SEC61A2: variants seen among roughly 807,000 people sequenced by gnomAD.
SEC61A2 encodes protein transport protein Sec61 subunit alpha isoform 2.
SEC61A2 carries 28 observed loss-of-function variants against 59.9 expected under a neutral mutation model. That is an observed-to-expected ratio of 0.47 (90% confidence interval 0.35 to 0.64). The LOEUF (loss-of-function observed/expected upper bound fraction) is 0.64, where lower values mean the gene tolerates loss of function less well. Among genes scored for constraint, SEC61A2 ranks in the 30% least tolerant of loss-of-function variants. The pLI, the probability that SEC61A2 is intolerant of heterozygous loss-of-function variation, is 0.01. For synonymous variants in SEC61A2, 202 were observed against 214.4 expected, an observed-to-expected ratio of 0.94 and a Z score of 0.50; for missense variants, 340 against 585.9, an observed-to-expected ratio of 0.58 and a Z score of 4.33.
chr10:12,169,815 A>G, downstream of SEC61A2: 1 of 301,252 alleles, frequency 3.3e-6, no homozygotes, highest in Non-Finnish European at 6.1e-6. The surrounding 1 kb of genome is among the most constrained non-coding windows in gnomAD (Gnocchi z 4.8). Context: ...GCTGAAACTC[A>G]GGGAAAAGCT....
Position 12,137,962 on chromosome 10 carries a change from C to T in SEC61A2, c.141+1792C>T, listed in dbSNP as rs143884842. 7.4e-3 allele frequency among the ~76,000 whole-genome samples: 1,125 copies of T among 152,188 alleles called. 12 individuals carry two copies. The highest frequency in any genetic ancestry group is 0.026 in the African/African-American group (1,085 of 41,532). ...TGGAGGTTGCAGTGAGCTGAGATCA[C>T]GCCATTGCACTCAAACCTGGGCAAC... is the stretch of plus-strand genomic sequence containing the variant. On this transcript the variant is annotated intron_variant, in intron 3 of 11. Coordinates refer to ENST00000298428, the MANE Select transcript of SEC61A2 (RefSeq NM_018144.4).
rs561830355 is a variant in SEC61A2, at chr10:12,139,300, T to C, written c.141+3130T>C. On this transcript the variant is annotated intron_variant, in intron 3 of 11. Coordinates refer to ENST00000298428, the MANE Select transcript of SEC61A2 (RefSeq NM_018144.4). ...TTTTGTATTTCCACCAGCCGTGTTCTGGAGTTCCAGTTGATCTGCATCCTG... is the reference window on the plus strand; with the variant it reads ...TTTTGTATTTCCACCAGCCGTGTTCCGGAGTTCCAGTTGATCTGCATCCTG... Among the ~76,000 whole-genome samples the C allele has an allele frequency of 3.3e-5, 5 of 151,974 alleles. No individual in the cohort carries two copies. The South Asian group carries it at 8.3e-4, about 25-fold the overall frequency.
chr10:12,167,619 C>T (rs756710076), downstream of SEC61A2: 32 of 1,334,888 alleles, frequency 2.4e-5, no homozygotes, highest in Non-Finnish European at 3.4e-5. Context: ...GGCAAATCTA[C>T]ATTAAACTAA....
downstream of SEC61A2, chr10:12,169,435 A>G: frequency 1.3e-6 from 1 of 762,680 alleles, no homozygotes; most frequent in Non-Finnish European, 2.1e-6. The surrounding 1 kb of genome is among the most constrained non-coding windows in gnomAD (Gnocchi z 4.8). Flanking sequence ...AAAAGCCGAG[A>G]GAGGCTACAG....
intron 4 of SEC61A2, among the ~76,000 whole-genome samples, chr10:12,148,552 T>C (rs925781032): frequency 1.4e-5 from 2 of 145,484 alleles, no homozygotes; most frequent in Admixed American, 6.9e-5. Flanking sequence ...GCTTTTTTTT[T>C]TTCTTTGAGA....
chr10:12,133,083 T>C (rs575344642), intron 1 of SEC61A2, among the ~76,000 whole-genome samples, 158 bp from the exon 2 acceptor site: 2 of 152,366 alleles, frequency 1.3e-5, no homozygotes, highest in East Asian at 3.9e-4. Context: ...TTCCTTTACA[T>C]ATCATTTGAA....
rs749842893 is a variant in SEC61A2, at chr10:12,149,924, A to C, written c.425A>C (p.Glu142Ala). 6.2e-7 allele frequency: 1 copy of C among 1,613,988 alleles called. No individual in the cohort carries two copies. The highest frequency in any genetic ancestry group is 1.1e-5 in the South Asian group (1 of 91,084). ...ACGGGGATGTATGGGGACCCTGCAG[A>C]AATGGGTGCCGGAATCTGTCTCCTG... ...VMTGMYGDPA[E>A]MGAGICLLII... Residue 142 changes from glutamate to alanine, a missense_variant, in exon 6 of 12, where the codon GAA becomes GCA. Physicochemically the swap from Glu to Ala is moderately radical, Grantham distance 107. Coordinates refer to ENST00000298428, the MANE Select transcript of SEC61A2 (RefSeq NM_018144.4). This position sits in a 1 kb window ranked among gnomAD's most constrained non-coding sequence, Gnocchi z 5.2.
chr10:12,133,683 T>G (rs1833815704), intron 2 of SEC61A2, among the ~76,000 whole-genome samples: 1 of 152,246 alleles, frequency 6.6e-6, no homozygotes, highest in South Asian at 2.1e-4. Flanking sequence ...CCCAGTCTGC[T>G]CGATAGGTTT....
rs770941217 is a variant in SEC61A2 at position 12,129,817 on chromosome 10, G to A, written c.7+23G>A. Reference sequence around the variant, plus strand: ...GCAGTGAGTAGCGGCGGCTGGAGCGGGGACTCTGGCTGGGAACGCAGGCCC... The same window carrying A: ...GCAGTGAGTAGCGGCGGCTGGAGCGAGGACTCTGGCTGGGAACGCAGGCCC... On this transcript the variant is annotated intron_variant, in intron 1 of 11. Coordinates refer to ENST00000298428, the MANE Select transcript of SEC61A2 (RefSeq NM_018144.4). The surrounding 1 kb of genome is among the most constrained non-coding windows in gnomAD (Gnocchi z 5.6). The A allele has an allele frequency of 7.1e-7, 1 of 1,404,734 alleles. No homozygotes were observed. Among genetic ancestry groups the A allele is most frequent in the Non-Finnish European group, 9.3e-7 (1 of 1,077,528 alleles). 87.0% of individuals were successfully genotyped at this position (1,404,734 alleles called of 1,614,324 possible).
chr10:12,151,585 C>A (rs538219965), intron 6 of SEC61A2, among the ~76,000 whole-genome samples: 2 of 152,164 alleles, frequency 1.3e-5, no homozygotes, highest in African/African-American at 4.8e-5. Context: ...GCTGGGATTA[C>A]AGGCGTGAGC....
intron 4 of SEC61A2, among the ~76,000 whole-genome samples, chr10:12,148,779 C>T (rs1225934852): frequency 6.6e-6 from 1 of 152,178 alleles, no homozygotes; most frequent in African/African-American, 2.4e-5. Context: ...TGGCTTTGGC[C>T]TCCCAAAGTG....
intron 1 of SEC61A2, among the ~76,000 whole-genome samples, chr10:12,130,369 A>G (rs1389564594): frequency 6.6e-6 from 1 of 152,202 alleles, no homozygotes; most frequent in East Asian, 1.9e-4. Flanking sequence ...CCCTCCCCGT[A>G]ACACTCAACC....
In SEC61A2 at chr10:12,155,666, A is replaced by G; in HGVS notation, c.463-112A>G. Reference sequence around the variant, plus strand: ...TGGTCATCACAGTGAGATTGCAACGATCAGGCCTTAATATTCAAAACGCCC... The same window carrying G: ...TGGTCATCACAGTGAGATTGCAACGGTCAGGCCTTAATATTCAAAACGCCC... On this transcript the variant is annotated intron_variant, in intron 6 of 11. Coordinates refer to ENST00000298428, the MANE Select transcript of SEC61A2 (RefSeq NM_018144.4). The surrounding 1 kb of genome is among the most constrained non-coding windows in gnomAD (Gnocchi z 4.3). The G allele has an allele frequency of 3.2e-6, 4 of 1,241,412 alleles. No homozygotes were observed. The South Asian group carries it at 5.4e-5, about 17-fold the overall frequency. The allele number at this position is 1,241,412 out of a possible 1,614,324, so 76.9% of individuals were successfully genotyped here. A position where few individuals can be genotyped will look rare whatever the true frequency, so the allele number is the denominator to read the frequency against.
rs759949414 is a variant in SEC61A2, at chr10:12,136,176, T to A, written c.141+6T>A. ...TTTTCTTAGTGTGTTGTCAGGTATGTAACTATACTATTAAATAAATGTCTG... is the reference window on the plus strand; with the variant it reads ...TTTTCTTAGTGTGTTGTCAGGTATGAAACTATACTATTAAATAAATGTCTG... On this transcript the variant is annotated splice_donor_region_variant and intron_variant, in intron 3 of 11. Transcript: ENST00000298428. 16 of 1,515,210 alleles carry A rather than the reference T, an allele frequency of 1.1e-5. No individual in the cohort carries two copies. The South Asian group carries it at 1.2e-4, about 12-fold the overall frequency. The allele number at this position is 1,515,210 out of a possible 1,614,324, so 93.9% of individuals were successfully genotyped here. A position where few individuals can be genotyped will look rare whatever the true frequency, so the allele number is the denominator to read the frequency against.
At chr10:12,167,567 C>G (rs1040965326), downstream of SEC61A2, 1 of 755,996 alleles carries the variant, frequency 1.3e-6, no homozygotes, top group African/African-American at 1.8e-5. Context: ...TCCATACCAC[C>G]ACCACATCTG....
rs2131638319 is a variant in SEC61A2, at chr10:12,129,927, G to C, written c.7+133G>C. 2.4e-6 allele frequency: 2 copies of C among 836,118 alleles called. No homozygotes were observed. The highest frequency in any genetic ancestry group is 7.0e-5 in the East Asian group (2 of 28,668). 51.8% of individuals were successfully genotyped at this position (836,118 alleles called of 1,614,324 possible). A position where few individuals can be genotyped will look rare whatever the true frequency, so the allele number is the denominator to read the frequency against. On this transcript the variant is annotated intron_variant, in intron 1 of 11. Transcript: ENST00000298428. The surrounding 1 kb of genome is among the most constrained non-coding windows in gnomAD (Gnocchi z 5.6). ...GCGGGCCGCTCCGGGCCTCAGCGGA[G>C]GGCACGGGCCGGGGGCCTCCGCCGA...
chr10:12,164,227 C>T lies in SEC61A2; in HGVS notation c.1245-41C>T. ...TTCGTCTCTAGCTGCCGTGCTGTTC[C>T]TGGTCTCTGCTGCCGCCTAACTTGG... On this transcript the variant is annotated intron_variant, in intron 11 of 11. Transcript: ENST00000298428. This position sits in a 1 kb window ranked among gnomAD's most constrained non-coding sequence, Gnocchi z 7.3. 1 of 1,607,914 alleles carries T rather than the reference C, an allele frequency of 6.2e-7. No individual in the cohort carries two copies. The highest frequency in any genetic ancestry group is 8.5e-7 in the Non-Finnish European group (1 of 1,178,512).
At position 12,142,057 on chromosome 10, in the gene SEC61A2, G is replaced by A. The variant is rs1834034857; in HGVS notation, c.142-1060G>A. Among the ~76,000 whole-genome samples, 1 of 152,182 alleles carries A rather than the reference G, an allele frequency of 6.6e-6. No individual in the cohort carries two copies. The highest frequency in any genetic ancestry group is 2.4e-5 in the African/African-American group (1 of 41,448). The stretch of plus-strand genomic sequence containing the variant: ...TAGGGAAGGGGTGTATGTGCTTTGT[G>A]CAGGACAGTTGAAGGCAGCTTTCCA... On this transcript the variant is annotated intron_variant, in intron 3 of 11. Coordinates refer to ENST00000298428, the MANE Select transcript of SEC61A2 (RefSeq NM_018144.4). This position sits in a 1 kb window ranked among gnomAD's most constrained non-coding sequence, Gnocchi z 5.4.
chr10:12,137,948 G>A (rs1446425920), intron 3 of SEC61A2, among the ~76,000 whole-genome samples: 2 of 152,198 alleles, frequency 1.3e-5, no homozygotes, highest in African/African-American at 4.8e-5. Flanking sequence ...GGAGGTTGCA[G>A]TGAGCTGAGA....
Sources: gnomAD v4.1 joint callset for allele counts (sites outside exome capture counted in the v4.1 genomes callset) on GRCh38, gnomAD v4.1.1 for gene constraint, Gnocchi (gnomAD v3.1) non-coding constraint, MANE v1.5 for transcripts, NCBI Gene and HGNC (gene_info 2026-07-23, HGNC 2026-07-21) for gene names.